The following ARMC8 variants were observed in gnomAD, a reference collection of about 807,000 sequenced individuals.
ARMC8 encodes armadillo repeat-containing protein 8.
A neutral mutation model predicts 99.3 loss-of-function variants in ARMC8; 20 were observed. That is an observed-to-expected ratio of 0.20 (90% CI 0.14 to 0.29). The LOEUF (loss-of-function observed/expected upper bound fraction) is 0.29, where lower values mean the gene tolerates loss of function less well. Ranked by LOEUF, ARMC8 falls within the 10% of genes least tolerant of loss-of-function variation. The pLI is 1.00. For missense variants in ARMC8, 569 were observed against 809.5 expected (o/e 0.70, Z 3.60); for synonymous variants, 263 against 278.3 (o/e 0.95, Z 0.55).
At chr3:138,213,846 T>C (rs1424429565) in intron 2 of ARMC8, among the ~76,000 whole-genome samples, 1 of 152,148 alleles carries the variant, frequency 6.6e-6, no homozygotes, top group Admixed American at 6.5e-5. Flanking sequence ...CTGGTTTTCA[T>C]GTTAGTGAAT....
chr3:138,228,838 C>A, intron 5 of ARMC8, 80 bp from the exon 6 acceptor site: 1 of 863,456 alleles, frequency 1.2e-6, no homozygotes, highest in South Asian at 1.4e-5. Flanking sequence ...ATTTGACTAC[C>A]TTCTTGTGGA....
chr3:138,274,104 G>A (rs1387638195), intron 17 of ARMC8, among the ~76,000 whole-genome samples: 2 of 152,108 alleles, frequency 1.3e-5, no homozygotes, highest in South Asian at 2.1e-4. Context: ...AGGCGTGAGC[G>A]TACCGTACTT....
intron 21 of ARMC8, among the ~76,000 whole-genome samples, chr3:138,295,414 A>G (rs2051390042): frequency 6.6e-6 from 1 of 152,060 alleles, no homozygotes; most frequent in South Asian, 2.1e-4. Context: ...TCACCTCAAC[A>G]CCATTTCCTC....
At chr3:138,271,313 C>T (rs1279808972) in intron 16 of ARMC8, among the ~76,000 whole-genome samples, 1 of 152,134 alleles carries the variant, frequency 6.6e-6, no homozygotes, top group Non-Finnish European at 1.5e-5. Context: ...GAGAACATTC[C>T]CCCAAGTTTC....
At chr3:138,227,869 AC>A (rs2045774972) in intron 5 of ARMC8, among the ~76,000 whole-genome samples, 1 of 152,164 alleles carries the variant, frequency 6.6e-6, no homozygotes. Flanking sequence ...GAGAAGCATA[AC>A]TTTTGTGATG....
At chr3:138,248,003 G>A (rs2046960046) in intron 12 of ARMC8, among the ~76,000 whole-genome samples, 1 of 152,200 alleles carries the variant, frequency 6.6e-6, no homozygotes, top group African/African-American at 2.4e-5. Flanking sequence ...CCTGCATGGA[G>A]CAAAATTGGT....
intron 2 of ARMC8, among the ~76,000 whole-genome samples, chr3:138,219,263 T>C (rs2045259510): frequency 6.6e-6 from 1 of 152,182 alleles, no homozygotes; most frequent in Non-Finnish European, 1.5e-5. Flanking sequence ...TAGCTGTGAG[T>C]TTGCATTTTA....
intron 9 of ARMC8, 77 bp downstream of exon 9, chr3:138,237,649 C>G (rs2046400030): frequency 8.1e-7 from 1 of 1,227,430 alleles, no homozygotes; most frequent in African/African-American, 1.5e-5. Context: ...ACCAAATTTG[C>G]TTGCTTCCAA....
chr3:138,196,356 T>G (rs569580251), intron 1 of ARMC8, among the ~76,000 whole-genome samples: 3 of 152,270 alleles, frequency 2.0e-5, no homozygotes, highest in African/African-American at 7.2e-5. Flanking sequence ...AAAAAAAGGT[T>G]GAGTACCTAA....
chr3:138,189,533 A>G (rs765857806), intron 1 of ARMC8, among the ~76,000 whole-genome samples: 2 of 152,228 alleles, frequency 1.3e-5, no homozygotes, highest in African/African-American at 2.4e-5. Context: ...TCCTTTAATA[A>G]GCTACAATGT....
At chr3:138,197,406 G>T (rs1249566975) in intron 1 of ARMC8, among the ~76,000 whole-genome samples, 1 of 152,168 alleles carries the variant, frequency 6.6e-6, no homozygotes, top group Admixed American at 6.5e-5. Flanking sequence ...TACTTCGAAG[G>T]TGTGCCATGA....
At chr3:138,279,691 T>C (rs2049684661) in intron 18 of ARMC8, among the ~76,000 whole-genome samples, 1 of 152,204 alleles carries the variant, frequency 6.6e-6, no homozygotes, top group African/African-American at 2.4e-5. Flanking sequence ...TGGAAAGGTG[T>C]TTAACTACAA....
At chr3:138,285,431 TC>T (rs1241494724) in intron 19 of ARMC8, among the ~76,000 whole-genome samples, 19 of 152,156 alleles carry the variant, frequency 1.2e-4, no homozygotes, top group Admixed American at 1.2e-3. Flanking sequence ...ATTCCTCTCT[TC>T]CTTTGTTCAC....
chr3:138,283,267 A>G (rs145082386), intron 18 of ARMC8, among the ~76,000 whole-genome samples: 124 of 152,338 alleles, frequency 8.1e-4, no homozygotes, highest in African/African-American at 2.7e-3. Flanking sequence ...CAAGAAAACA[A>G]TCTCCTCAAT....
intron 2 of ARMC8, among the ~76,000 whole-genome samples, chr3:138,210,402 TGA>T: frequency 6.6e-6 from 1 of 152,326 alleles, no homozygotes; most frequent in South Asian, 2.1e-4. Flanking sequence ...TCATGTTTAA[TGA>T]GAGGAAACAT....
chr3:138,252,461 T>C (rs56109648), intron 12 of ARMC8, among the ~76,000 whole-genome samples: 245 of 150,686 alleles, frequency 1.6e-3, no homozygotes, highest in African/African-American at 5.7e-3. Flanking sequence ...TCTTTTTTTT[T>C]TTTTTTTTTT....
intron 2 of ARMC8, among the ~76,000 whole-genome samples, chr3:138,217,236 A>G (rs942294300): frequency 6.6e-6 from 1 of 152,124 alleles, no homozygotes; most frequent in Non-Finnish European, 1.5e-5. Flanking sequence ...GCATGACTGT[A>G]ATTGATTTTT....
chr3:138,241,071 G>A (rs1237501694), intron 10 of ARMC8, among the ~76,000 whole-genome samples: 3 of 152,134 alleles, frequency 2.0e-5, no homozygotes, highest in African/African-American at 4.8e-5. Flanking sequence ...AAAAGAAATA[G>A]TAAATGTCTG....
chr3:138,260,066 C>T (rs2047615946), intron 12 of ARMC8, among the ~76,000 whole-genome samples: 3 of 152,176 alleles, frequency 2.0e-5, no homozygotes, highest in Admixed American at 2.0e-4. Context: ...CTTTCTCTTC[C>T]TCACCGTTTT....
Sources: allele counts gnomAD v4.1 joint callset (sites outside exome capture counted in the v4.1 genomes callset), GRCh38; gene constraint gnomAD v4.1.1; transcripts MANE v1.5; gene names NCBI Gene and HGNC (gene_info 2026-07-23, HGNC 2026-07-21).